PAK4: variants seen among roughly 807,000 people sequenced by gnomAD.
The protein encoded by PAK4 is serine/threonine-protein kinase PAK 4.
A neutral mutation model predicts 53.5 loss-of-function variants in PAK4; 49 were observed. The observed-to-expected ratio is 0.92, with a 90% confidence interval of 0.73 to 1.16. The LOEUF (loss-of-function observed/expected upper bound fraction) is 1.16, where lower values mean the gene tolerates loss of function less well. Among genes scored for constraint, PAK4 ranks in the 50% most tolerant of loss-of-function variants. The pLI is 0.00. For synonymous variants in PAK4, 376 were observed against 375.6 expected, an observed-to-expected ratio of 1.00 and a Z score of -0.01; for missense variants, 824 against 850.7, an observed-to-expected ratio of 0.97 and a Z score of 0.39.
intron 1 of PAK4, among the ~76,000 whole-genome samples, chr19:39,126,457 G>A (rs1401842547): frequency 7.4e-6 from 1 of 135,298 alleles, no homozygotes; most frequent in Non-Finnish European, 1.6e-5. Context: ...GGGGGGGGGG[G>A]GGGGCCGGGT....
intron 1 of PAK4, among the ~76,000 whole-genome samples, chr19:39,166,204 C>T (rs1279121859): frequency 6.6e-6 from 1 of 152,248 alleles, no homozygotes; most frequent in Non-Finnish European, 1.5e-5. Flanking sequence ...CGCCTGTAAT[C>T]CTAACACTTT....
intron 1 of PAK4, among the ~76,000 whole-genome samples, chr19:39,133,105 C>G (rs573409667): frequency 1.3e-5 from 2 of 152,342 alleles, no homozygotes; most frequent in African/African-American, 4.8e-5. Flanking sequence ...AGGTCAAGGG[C>G]TTGGCCTCCG....
At chr19:39,158,060 G>C (rs1006900712) in intron 1 of PAK4, among the ~76,000 whole-genome samples, 1 of 140,344 alleles carries the variant, frequency 7.1e-6, no homozygotes, top group Non-Finnish European at 1.6e-5. Flanking sequence ...ATTTGTGAGC[G>C]TGTGTGTGAG....
intron 1 of PAK4, among the ~76,000 whole-genome samples, chr19:39,127,921 G>A (rs1239382217): frequency 6.6e-6 from 1 of 152,196 alleles, no homozygotes; most frequent in Non-Finnish European, 1.5e-5. Context: ...GGACTCGGGT[G>A]CACAGTTGGG....
In PAK4 at chr19:39,160,840, A is replaced by G. The variant is rs188168351; in HGVS notation, c.-22-8692A>G. ...TTCTGGTCTTGGTCTGGTCATTGTC[A>G]GGGACATTGTCCCTTCCTGTTTTTG... is the stretch of plus-strand genomic sequence containing the variant. On this transcript the variant is annotated intron_variant, in intron 1 of 8. Transcript: ENST00000358301. Among the ~76,000 whole-genome samples the G allele has an allele frequency of 1.3e-4, 20 of 152,352 alleles. No individual in the cohort carries two copies. In the East Asian group the frequency reaches 3.7e-3, roughly 28 times the overall value.
At chr19:39,169,252 G>T (rs953835421) in intron 1 of PAK4, among the ~76,000 whole-genome samples, 5 of 151,906 alleles carry the variant, frequency 3.3e-5, no homozygotes, top group Non-Finnish European at 7.4e-5. Context: ...GTCTCCAGGG[G>T]GGGTGAGAAC....
rs1398988045 is a variant in PAK4, at chr19:39,165,551, T to TAAATAAATAAAA, written c.-22-3978_-22-3977insTAAATAAAAAAA. On this transcript the variant is annotated intron_variant, in intron 1 of 8. Coordinates refer to ENST00000358301, the Ensembl canonical transcript of PAK4. ...ATAAATAAATAAATAAATAAATAAA[T>TAAATAAATAAAA]AAAATAATAATAGACAAAACCAACA... 9.8e-5 allele frequency among the ~76,000 whole-genome samples: 12 copies of TAAATAAATAAAA among 122,250 alleles called. No individual in the cohort carries two copies. In the East Asian group the frequency reaches 1.7e-3, roughly 17 times the overall value. The allele number at this position is 122,250 out of a possible 152,430, so 80.2% of individuals were successfully genotyped here.
intron 1 of PAK4, among the ~76,000 whole-genome samples, chr19:39,159,352 A>G (rs1212716383): frequency 6.6e-6 from 1 of 152,172 alleles, no homozygotes; most frequent in Non-Finnish European, 1.5e-5. Context: ...GTAAAATTAC[A>G]GCTGTGACAG....
chr19:39,134,321 A>C (rs2073770442), intron 1 of PAK4, among the ~76,000 whole-genome samples: 4 of 152,128 alleles, frequency 2.6e-5, no homozygotes, highest in Admixed American at 2.6e-4. Flanking sequence ...ACAGAACACA[A>C]CCTCCCAAAA....
chr19:39,137,660 G>A (rs1410056413), intron 1 of PAK4, among the ~76,000 whole-genome samples: 3 of 151,240 alleles, frequency 2.0e-5, no homozygotes, highest in Non-Finnish European at 4.4e-5. Context: ...GCCAGTTCAG[G>A]TCACTTTCCT....
At chr19:39,132,747 T>C (rs2073737494) in intron 1 of PAK4, among the ~76,000 whole-genome samples, 1 of 152,016 alleles carries the variant, frequency 6.6e-6, no homozygotes, top group African/African-American at 2.4e-5. Context: ...GCTGGGGAGG[T>C]TGTCTGGCTC....
At chr19:39,133,974 G>C (rs951660708) in intron 1 of PAK4, among the ~76,000 whole-genome samples, 3 of 152,088 alleles carry the variant, frequency 2.0e-5, no homozygotes, top group Non-Finnish European at 4.4e-5. Context: ...CGGGCCACTG[G>C]CCCCTCCACA....
intron 4 of PAK4, among the ~76,000 whole-genome samples, chr19:39,174,550 C>T (rs1298882969): frequency 6.6e-6 from 1 of 152,086 alleles, no homozygotes; most frequent in Non-Finnish European, 1.5e-5. Context: ...TTGCCCATCA[C>T]AGTGCCGGGC....
In PAK4 at chr19:39,146,171, T is replaced by A. The variant is rs182152073; in HGVS notation, c.-23+20252T>A. The stretch of plus-strand genomic sequence containing the variant: ...TCCTCTGAGTCCAGCCCTGTCAGGC[T>A]GAGGTCCTGCCTTCATGGAGCTTAT... On this transcript the variant is annotated intron_variant, in intron 1 of 8. Coordinates refer to ENST00000358301, the Ensembl canonical transcript of PAK4. Among the ~76,000 whole-genome samples the A allele has an allele frequency of 2.3e-3, 349 of 152,378 alleles. 2 individuals are homozygous for A. In the Middle Eastern group the frequency reaches 0.034, roughly 15 times the overall value.
rs1302975395 is a variant in PAK4, at chr19:39,178,738, CCA to C, written c.*160_*161del. The stretch of plus-strand genomic sequence containing the variant: ...GTAGATGAGACCCTACTACTGAACT[CCA>C]GTTTTGATCTCGTGACTTTTAGAAA... On this transcript the variant is annotated 3_prime_UTR_variant, in exon 9 of 9. Transcript: ENST00000358301. This position sits in a 1 kb window ranked among gnomAD's most constrained non-coding sequence, Gnocchi z 4.4. 1 of 591,788 alleles carries C rather than the reference CCA, an allele frequency of 1.7e-6. No homozygotes were observed. The highest frequency in any genetic ancestry group is 2.9e-6 in the Non-Finnish European group (1 of 349,430). The allele number at this position is 591,788 out of a possible 1,614,324, so 36.7% of individuals were successfully genotyped here. A position where few individuals can be genotyped will look rare whatever the true frequency, so the allele number is the denominator to read the frequency against.
chr19:39,179,886 C>T (rs2074682962), downstream of PAK4: 1 of 152,234 alleles, frequency 6.6e-6, no homozygotes, highest in Admixed American at 6.5e-5. Flanking sequence ...CGAGCCCACG[C>T]TGGGGGGAAT....
At position 39,175,446 on chromosome 19, in the gene PAK4, G is replaced by C; in HGVS notation, c.1359+8G>C. 6.2e-7 allele frequency: 1 copy of C among 1,607,680 alleles called. No homozygotes were observed. Among genetic ancestry groups the C allele is most frequent in the Non-Finnish European group, 8.5e-7 (1 of 1,177,354 alleles). ...CTGACCCATGATGGCAGGGTGAGGGGACGGGCGGCGGGGTACGGGGGCGGC... is the reference window on the plus strand; with the variant it reads ...CTGACCCATGATGGCAGGGTGAGGGCACGGGCGGCGGGGTACGGGGGCGGC... On this transcript the variant is annotated splice_region_variant and intron_variant, in intron 6 of 8. Transcript: ENST00000358301. This position sits in a 1 kb window ranked among gnomAD's most constrained non-coding sequence, Gnocchi z 4.7.
At chr19:39,145,086 C>G (rs796111102) in intron 1 of PAK4, among the ~76,000 whole-genome samples, 8 of 152,262 alleles carry the variant, frequency 5.3e-5, no homozygotes, top group African/African-American at 1.7e-4. Flanking sequence ...CAAAAACATT[C>G]TCCTCCCTTT....
rs1238030452 is a variant in PAK4 at position 39,173,096 on chromosome 19, G to A, written c.383G>A (p.Gly128Asp). 6.5e-7 allele frequency: 1 copy of A among 1,548,218 alleles called. No homozygotes were observed. Among genetic ancestry groups the A allele is most frequent in the Admixed American group, 2.0e-5 (1 of 50,938 alleles). ...GAGCCGGCCACCACGGCCAGAGGGGGCCCAGGGAAGGCAGGCAGCCGAGGC... is the reference window on the plus strand; with the variant it reads ...GAGCCGGCCACCACGGCCAGAGGGGACCCAGGGAAGGCAGGCAGCCGAGGC... Residue 128 changes from glycine to aspartate, a missense_variant, in exon 3 of 9, where the codon GGC becomes GAC. By Grantham distance (94) the Gly-to-Asp change is moderately conservative. Around this residue, in one of 2 missense-constraint regions of PAK4, gnomAD observed 478 missense variants for 435.8 expected, o/e 1.10. Coordinates refer to ENST00000358301, the Ensembl canonical transcript of PAK4. This position sits in a 1 kb window ranked among gnomAD's most constrained non-coding sequence, Gnocchi z 6.9.
Sources: gnomAD v4.1 joint callset for allele counts (sites outside exome capture counted in the v4.1 genomes callset) on GRCh38, gnomAD v4.1.1 for gene constraint, gnomAD v4.1.1 regional missense constraint, Gnocchi (gnomAD v3.1) non-coding constraint, MANE v1.5 for transcripts, NCBI Gene and HGNC (gene_info 2026-07-23, HGNC 2026-07-21) for gene names.